ANKS1B: variants seen among roughly 807,000 people sequenced by gnomAD.
ANKS1B encodes the protein ankyrin repeat and sterile alpha motif domain-containing protein 1B.
Under a neutral mutation model 148.3 loss-of-function variants are expected in ANKS1B, and 36 were observed. That is an observed-to-expected ratio of 0.24 (90% CI 0.19 to 0.32). The LOEUF is 0.32. Ranked by LOEUF, ANKS1B falls within the 10% of genes least tolerant of loss-of-function variation. The pLI is 1.00. For synonymous variants in ANKS1B, 542 were observed against 560.8 expected (o/e 0.97, Z 0.47); for missense variants, 1,157 against 1,542.6 (o/e 0.75, Z 4.19).
At chr12:99,489,127 A>T (rs1445504589) in intron 10 of ANKS1B, among the ~76,000 whole-genome samples, 6 of 151,886 alleles carry the variant, frequency 4.0e-5, no homozygotes, top group Admixed American at 3.9e-4. Flanking sequence ...CTATAATCCC[A>T]GCTACTCAGG....
In ANKS1B at chr12:99,830,718, A is replaced by T. The variant is rs116677074; in HGVS notation, c.135-5329T>A. Reference sequence around the variant, plus strand: ...TTTAATTAATGGGAAGGAAAAAACAATTTCAATTCCCTACCCCATACCATT... The same window carrying T: ...TTTAATTAATGGGAAGGAAAAAACATTTTCAATTCCCTACCCCATACCATT... On this transcript the variant is annotated intron_variant, in intron 1 of 26. Transcript: ENST00000683438. Among the ~76,000 whole-genome samples the T allele has an allele frequency of 7.9e-3, 1,197 of 152,074 alleles. 15 individuals are homozygous for T. Among genetic ancestry groups the T allele is most frequent in the African/African-American group, 0.027 (1,131 of 41,486 alleles).
Position 98,845,478 on chromosome 12 carries a change from C to G in ANKS1B, c.2779-13342G>C, listed in dbSNP as rs558590163. Among the ~76,000 whole-genome samples, 7 of 152,264 alleles carry G rather than the reference C, an allele frequency of 4.6e-5. 1 individual carries two copies. The South Asian group carries it at 1.5e-3, about 32-fold the overall frequency. Reference sequence around the variant, plus strand: ...GACTCATTAAATGTAAGGCTGGGTGCTTATATGAACAACCAGTACTTTATT... The same window carrying G: ...GACTCATTAAATGTAAGGCTGGGTGGTTATATGAACAACCAGTACTTTATT... On this transcript the variant is annotated intron_variant, in intron 17 of 26. Coordinates refer to ENST00000683438, the MANE Select transcript of ANKS1B (RefSeq NM_001352186.2).
At chr12:98,903,807 A>G (rs904671864) in intron 17 of ANKS1B, among the ~76,000 whole-genome samples, 2 of 152,164 alleles carry the variant, frequency 1.3e-5, no homozygotes, top group Non-Finnish European at 2.9e-5. Context: ...TCTTCTCTAC[A>G]ACTTCTAATG....
chr12:99,105,128 G>T (rs1209267764), intron 15 of ANKS1B: 1 of 152,168 alleles, frequency 6.6e-6, no homozygotes, highest in African/African-American at 2.4e-5. Flanking sequence ...AGACCATCTA[G>T]AAAAGTATTT....
At chr12:99,384,234 G>A (rs930037350) in intron 12 of ANKS1B, among the ~76,000 whole-genome samples, 2 of 152,134 alleles carry the variant, frequency 1.3e-5, no homozygotes, top group African/African-American at 4.8e-5. Flanking sequence ...ACAGTATAGT[G>A]GGAAGAGGTC....
chr12:99,027,707 A>G (rs1181367857), intron 17 of ANKS1B, among the ~76,000 whole-genome samples: 1 of 152,246 alleles, frequency 6.6e-6, no homozygotes, highest in Non-Finnish European at 1.5e-5. Flanking sequence ...GAGACATGCC[A>G]TCAGACAGGC....
chr12:99,846,376 CT>C (rs2086675631), intron 1 of ANKS1B, among the ~76,000 whole-genome samples: 1 of 151,770 alleles, frequency 6.6e-6, no homozygotes, highest in South Asian at 2.1e-4. Context: ...TAGTCCTTTA[CT>C]TTTTGCAAAT....
chr12:98,901,990 C>T lies in ANKS1B; in HGVS notation c.2779-69854G>A, dbSNP rs186119364. On this transcript the variant is annotated intron_variant, in intron 17 of 26. Transcript: ENST00000683438. ...GCCATGGGAAAATCCCTGTTTGGAT[C>T]ACAAATTTAAAACAATAGACTGCCT... Among the ~76,000 whole-genome samples, 13 of 152,278 alleles carry T rather than the reference C, an allele frequency of 8.5e-5. No individual in the cohort carries two copies. In the East Asian group the frequency reaches 2.3e-3, roughly 27 times the overall value.
chr12:99,631,115 G>A (rs543323021), intron 9 of ANKS1B, among the ~76,000 whole-genome samples: 3 of 152,174 alleles, frequency 2.0e-5, no homozygotes, highest in African/African-American at 7.2e-5. Flanking sequence ...CAGCCATGTG[G>A]AACTATGAGT....
chr12:99,142,725 A>T (rs2153800882), intron 15 of ANKS1B, among the ~76,000 whole-genome samples: 1 of 152,254 alleles, frequency 6.6e-6, no homozygotes. Flanking sequence ...AATGGATTGC[A>T]TTTTTAACTA....
chr12:99,953,335 A>T (rs1469566440), intron 1 of ANKS1B, among the ~76,000 whole-genome samples: 1 of 152,216 alleles, frequency 6.6e-6, no homozygotes, highest in Non-Finnish European at 1.5e-5. Context: ...TGAGAAACAC[A>T]GGAAGATGAG....
chr12:99,565,000 A>G (rs1270573710), intron 9 of ANKS1B, among the ~76,000 whole-genome samples: 1 of 152,206 alleles, frequency 6.6e-6, no homozygotes, highest in African/African-American at 2.4e-5. Context: ...CTGGAAAAAT[A>G]TATTTGGATA....
At chr12:99,022,750 A>G (rs1039644769) in intron 17 of ANKS1B, among the ~76,000 whole-genome samples, 3 of 151,742 alleles carry the variant, frequency 2.0e-5, no homozygotes, top group African/African-American at 7.3e-5. Context: ...GCAGTGGTGT[A>G]GTTATAGTTC....
At chr12:99,113,029 A>C (rs2060623055) in intron 15 of ANKS1B, among the ~76,000 whole-genome samples, 1 of 152,254 alleles carries the variant, frequency 6.6e-6, no homozygotes, top group African/African-American at 2.4e-5. Context: ...TGGAACTTCG[A>C]GTATGCATTA....
chr12:99,496,920 G>A (rs2096609859), intron 10 of ANKS1B, among the ~76,000 whole-genome samples: 1 of 152,146 alleles, frequency 6.6e-6, no homozygotes, highest in Admixed American at 6.5e-5. Flanking sequence ...GGCAGGTTGT[G>A]TGCTGTACTG....
intron 17 of ANKS1B, among the ~76,000 whole-genome samples, chr12:98,876,373 G>A (rs2099690035): frequency 6.6e-6 from 1 of 152,192 alleles, no homozygotes; most frequent in East Asian, 1.9e-4. Context: ...CCTTCTCTGA[G>A]AAGTCTCCCA....
At chr12:99,946,051 G>A (rs1388662345) in intron 1 of ANKS1B, among the ~76,000 whole-genome samples, 1 of 152,182 alleles carries the variant, frequency 6.6e-6, no homozygotes, top group African/African-American at 2.4e-5. Flanking sequence ...ATCCACTCTG[G>A]TGGTGTTAAC....
intron 12 of ANKS1B, among the ~76,000 whole-genome samples, chr12:99,364,520 G>A (rs2092663195): frequency 1.3e-5 from 2 of 152,188 alleles, no homozygotes; most frequent in Admixed American, 1.3e-4. Flanking sequence ...TTTTGTACCT[G>A]TAGTTCTCTA....
intron 17 of ANKS1B, among the ~76,000 whole-genome samples, chr12:98,935,168 T>C (rs2099817359): frequency 6.6e-6 from 1 of 152,206 alleles, no homozygotes; most frequent in Non-Finnish European, 1.5e-5. Flanking sequence ...GTTTCTAGTT[T>C]GTTGAGAGTT....
Sources: gnomAD v4.1 joint callset for allele counts (sites outside exome capture counted in the v4.1 genomes callset) on GRCh38, gnomAD v4.1.1 for gene constraint, MANE v1.5 for transcripts, NCBI Gene and HGNC (gene_info 2026-07-23, HGNC 2026-07-21) for gene names.